The following B3GALT1 variants were observed in gnomAD, a reference collection of about 807,000 sequenced individuals.
B3GALT1 encodes the protein UDP-Gal:betaGlcNAc beta 1,3-galactosyltransferase, polypeptide 1.
A neutral mutation model predicts 23.2 loss-of-function variants in B3GALT1; 10 were observed. That is an observed-to-expected ratio of 0.43 (90% confidence interval 0.27 to 0.73). The LOEUF is 0.73. B3GALT1 is among the 30% of genes least tolerant of loss of function. The pLI is 0.21. For missense variants in B3GALT1, 299 were observed against 405.4 expected, an observed-to-expected ratio of 0.74 and a Z score of 2.25; for synonymous variants, 156 against 141.5, an observed-to-expected ratio of 1.10 and a Z score of -0.73.
chr2:167,340,335 A>AAAAAAAAAAAAAAAC (rs1553513212), intron 1 of B3GALT1, among the ~76,000 whole-genome samples: 1 of 140,640 alleles, frequency 7.1e-6, no homozygotes. Flanking sequence ...AAAAAAAAAA[A>AAAAAAAAAAAAAAAC]CAGAGCTTTT....
chr2:167,382,400 A>C (rs751217786), intron 1 of B3GALT1, among the ~76,000 whole-genome samples: 2 of 150,944 alleles, frequency 1.3e-5, no homozygotes, highest in African/African-American at 4.9e-5. Context: ...GATGTTGCTT[A>C]TGGTTAAAAA....
chr2:167,806,386 A>G (rs529020346), intron 3 of B3GALT1, among the ~76,000 whole-genome samples: 17 of 152,314 alleles, frequency 1.1e-4, no homozygotes, highest in Admixed American at 9.8e-4. Context: ...GTGGTGAGAG[A>G]GGGCATCCCT....
At chr2:167,664,183 T>A (rs1686128070) in intron 3 of B3GALT1, among the ~76,000 whole-genome samples, 1 of 149,944 alleles carries the variant, frequency 6.7e-6, no homozygotes, top group African/African-American at 2.5e-5. Context: ...TACATATGGC[T>A]AGCCAGTTTT....
chr2:167,472,189 C>G (rs907721425), intron 1 of B3GALT1, among the ~76,000 whole-genome samples: 1 of 152,120 alleles, frequency 6.6e-6, no homozygotes, highest in South Asian at 2.1e-4. Context: ...ATTAGACAAT[C>G]GTTATGTGTT....
In B3GALT1 at chr2:167,514,055, C is replaced by T. The variant is rs184870376; in HGVS notation, c.-410+23778C>T. On this transcript the variant is annotated intron_variant, in intron 2 of 4. Transcript: ENST00000392690. The stretch of plus-strand genomic sequence containing the variant: ...CTGAGTAGCTGGAATTACAGGCGCC[C>T]ACCACCACGCCCAGCTAATTTTTTT... Among the ~76,000 whole-genome samples, 918 of 152,084 alleles carry T rather than the reference C, an allele frequency of 6.0e-3. 4 individuals are homozygous for T. Among genetic ancestry groups the T allele is most frequent in the Non-Finnish European group, 7.2e-3 (490 of 67,970 alleles).
At chr2:167,551,758 C>CA (rs1683752244) in intron 2 of B3GALT1, among the ~76,000 whole-genome samples, 1 of 151,914 alleles carries the variant, frequency 6.6e-6, no homozygotes, top group African/African-American at 2.4e-5. Context: ...ACAGAGGCAC[C>CA]ATATGGGGTA....
At chr2:167,562,237 C>A (rs1190983792) in intron 2 of B3GALT1, among the ~76,000 whole-genome samples, 1 of 151,938 alleles carries the variant, frequency 6.6e-6, no homozygotes, top group Non-Finnish European at 1.5e-5. Flanking sequence ...GCAGAAAAGG[C>A]CTTTGACAAA....
At chr2:167,531,984 T>G (rs1466507900) in intron 2 of B3GALT1, among the ~76,000 whole-genome samples, 1 of 152,174 alleles carries the variant, frequency 6.6e-6, no homozygotes, top group Admixed American at 6.5e-5. Context: ...GCCTTTTTAT[T>G]AGTAGTGGTT....
chr2:167,778,938 A>G (rs1425422767), intron 3 of B3GALT1, among the ~76,000 whole-genome samples: 2 of 152,186 alleles, frequency 1.3e-5, no homozygotes, highest in African/African-American at 4.8e-5. Context: ...CTCACAGCCA[A>G]CTTCTCTTCA....
In B3GALT1 at chr2:167,872,068, A is replaced by AT. The variant is rs1479131264; in HGVS notation, c.*2055dup. On this transcript the variant is annotated 3_prime_UTR_variant, in exon 5 of 5. Transcript: ENST00000392690. ...AGGCGCCCGCCATCACGCCCGGCTA[A>AT]TTTTTTTGTATTTTTAGTAGAGACG... The AT allele has an allele frequency of 1.3e-5, 2 of 150,338 alleles. No homozygotes were observed. The highest frequency in any genetic ancestry group is 3.0e-5 in the Non-Finnish European group (2 of 67,514). 9.3% of individuals were successfully genotyped at this position (150,338 alleles called of 1,614,324 possible).
chr2:167,565,966 A>G (rs1684155745), intron 2 of B3GALT1, among the ~76,000 whole-genome samples: 1 of 152,126 alleles, frequency 6.6e-6, no homozygotes, highest in Non-Finnish European at 1.5e-5. Flanking sequence ...ATGTAGAACT[A>G]GAAATACCAT....
At chr2:167,801,464 C>CCGGT (rs796468336) in intron 3 of B3GALT1, among the ~76,000 whole-genome samples, 13 of 152,282 alleles carry the variant, frequency 8.5e-5, no homozygotes, top group African/African-American at 3.1e-4. Flanking sequence ...ACGTCAAAGA[C>CCGGT]CGGTCTCATT....
At chr2:167,415,082 T>G (rs1360371312) in intron 1 of B3GALT1, among the ~76,000 whole-genome samples, 2 of 152,208 alleles carry the variant, frequency 1.3e-5, no homozygotes, top group African/African-American at 4.8e-5. Context: ...AAACTGCATC[T>G]CAGAGTGTGC....
intron 2 of B3GALT1, among the ~76,000 whole-genome samples, chr2:167,500,635 G>GAAA (rs11421714): frequency 0.025 from 3,787 of 149,732 alleles, 162 homozygotes; most frequent in African/African-American, 0.088. Flanking sequence ...GACTTATAAG[G>GAAA]AAAAAAAAAA....
chr2:167,566,049 T>C (rs1235208), intron 2 of B3GALT1, among the ~76,000 whole-genome samples: 75,364 of 151,444 alleles, frequency 0.5, 21,674 homozygotes, highest in East Asian at 0.99. Context: ...GACACATGCA[T>C]ACATATGTTT....
At chr2:167,628,134 C>G (rs1553473560) in intron 2 of B3GALT1, among the ~76,000 whole-genome samples, 1 of 151,712 alleles carries the variant, frequency 6.6e-6, no homozygotes, top group Middle Eastern at 3.4e-3. Context: ...TTTGCAAATA[C>G]TTTTTCCCAG....
At chr2:167,298,118 T>C (rs1696385801) in intron 1 of B3GALT1, among the ~76,000 whole-genome samples, 1 of 152,128 alleles carries the variant, frequency 6.6e-6, no homozygotes, top group Admixed American at 6.5e-5. Flanking sequence ...GGTTACCATA[T>C]CTAGCACACT....
intron 2 of B3GALT1, among the ~76,000 whole-genome samples, chr2:167,564,626 C>T (rs955082356): frequency 2.6e-5 from 4 of 152,170 alleles, no homozygotes; most frequent in African/African-American, 4.8e-5. Flanking sequence ...CTCGGGAGGC[C>T]GAGGCCGGCG....
intron 3 of B3GALT1, among the ~76,000 whole-genome samples, chr2:167,688,666 CA>C (rs779445907): frequency 3.2e-4 from 49 of 151,258 alleles, no homozygotes; most frequent in Non-Finnish European, 5.6e-4. Flanking sequence ...GGGACTAATA[CA>C]AAAAAAACTA....
Sources: gnomAD v4.1 joint callset for allele counts (sites outside exome capture counted in the v4.1 genomes callset) on GRCh38, gnomAD v4.1.1 for gene constraint, MANE v1.5 for transcripts, NCBI Gene and HGNC (gene_info 2026-07-23, HGNC 2026-07-21) for gene names.